The following HGSNAT variants were observed in gnomAD, a reference collection of about 807,000 sequenced individuals.
HGSNAT encodes heparan-alpha-glucosaminide N-acetyltransferase.
HGSNAT carries 59 observed loss-of-function variants against 85.2 expected under a neutral mutation model. The ratio of observed to expected loss-of-function variants is 0.69; its 90% CI spans 0.56 to 0.86. The LOEUF is 0.86. HGSNAT is among the 40% of genes least tolerant of loss of function. The pLI is 0.00. For synonymous variants in HGSNAT, 321 were observed against 304.5 expected, an observed-to-expected ratio of 1.05 and a Z score of -0.56; for missense variants, 756 against 777.1, an observed-to-expected ratio of 0.97 and a Z score of 0.32.
intron 14 of HGSNAT, among the ~76,000 whole-genome samples, chr8:43,194,758 C>T (rs531770442): frequency 2.0e-5 from 3 of 152,312 alleles, no homozygotes; most frequent in Non-Finnish European, 4.4e-5. Flanking sequence ...GGAGCCCTCA[C>T]GCTGCATCCC....
intron 9 of HGSNAT, 74 bp downstream of exon 9, chr8:43,173,817 C>A: frequency 1.3e-6 from 2 of 1,485,944 alleles, no homozygotes; most frequent in Non-Finnish European, 1.9e-6. Flanking sequence ...ATGCTGGAGC[C>A]TCTCTTCTGA....
chr8:43,182,119 CT>C (rs1244998662), intron 10 of HGSNAT, 25 bp from the exon 11 acceptor site: 1 of 1,568,962 alleles, frequency 6.4e-7, no homozygotes, highest in Non-Finnish European at 8.8e-7. Flanking sequence ...CTGGCTAACA[CT>C]TGACCTAACT....
rs991867163 is a variant in HGSNAT at position 43,182,273 on chromosome 8, G to A, written c.1128+13G>A. The A allele has an allele frequency of 4.7e-5, 75 of 1,595,820 alleles. No individual in the cohort carries two copies. The highest frequency in any genetic ancestry group is 6.4e-5 in the Non-Finnish European group (74 of 1,163,538). ...ACATTGTGCCTCGGTGAGAAACCAT[G>A]TTTTAATTAAGAAAAACTTTTTTTA... is the stretch of plus-strand genomic sequence containing the variant. On this transcript the variant is annotated intron_variant, in intron 11 of 17. Transcript: ENST00000379644.
At chr8:43,145,351 AC>A (rs1293031947) in intron 1 of HGSNAT, among the ~76,000 whole-genome samples, 1 of 152,076 alleles carries the variant, frequency 6.6e-6, no homozygotes, top group Non-Finnish European at 1.5e-5. Context: ...CTCAATCTCT[AC>A]CCCTTCATCA....
chr8:43,149,465 G>A (rs992710512), intron 2 of HGSNAT, among the ~76,000 whole-genome samples: 4 of 152,088 alleles, frequency 2.6e-5, no homozygotes, highest in Non-Finnish European at 5.9e-5. Flanking sequence ...TTGGGAGGCC[G>A]AGGCGGGCGG....
intron 5 of HGSNAT, among the ~76,000 whole-genome samples, chr8:43,163,751 C>T (rs982292523): frequency 2.0e-5 from 3 of 152,022 alleles, no homozygotes; most frequent in African/African-American, 4.8e-5. Flanking sequence ...CTCCTGACCT[C>T]GTGATCCACC....
intron 8 of HGSNAT, 151 bp from the exon 9 acceptor site, chr8:43,173,562 G>A (rs141503784): frequency 3.7e-5 from 29 of 786,966 alleles, no homozygotes; most frequent in African/African-American, 8.6e-5. Flanking sequence ...TGCTCGCCTC[G>A]GCCCCCACAA....
chr8:43,183,620 G>C (rs534430987), intron 11 of HGSNAT, among the ~76,000 whole-genome samples: 1 of 152,166 alleles, frequency 6.6e-6, no homozygotes, highest in South Asian at 2.1e-4. Context: ...ACAGGCGCCC[G>C]CCACCACTCC....
intron 11 of HGSNAT, 39 bp from the exon 12 acceptor site, chr8:43,191,435 T>C: frequency 6.2e-7 from 1 of 1,600,196 alleles, no homozygotes; most frequent in Non-Finnish European, 8.6e-7. Flanking sequence ...TCTATTTGCA[T>C]TTAGTTCACC....
intron 1 of HGSNAT, among the ~76,000 whole-genome samples, chr8:43,143,854 G>A (rs1305318044): frequency 2.0e-5 from 3 of 151,986 alleles, no homozygotes; most frequent in East Asian, 3.9e-4. Context: ...CCCACCAGGA[G>A]CTATTTCATA....
At chr8:43,140,884 CA>C (rs1654048059) in intron 1 of HGSNAT, among the ~76,000 whole-genome samples, 1 of 152,186 alleles carries the variant, frequency 6.6e-6, no homozygotes, top group African/African-American at 2.4e-5. Flanking sequence ...GCGCCCACCC[CA>C]GCGGAGCCTG....
intron 11 of HGSNAT, among the ~76,000 whole-genome samples, chr8:43,188,289 A>T (rs1251808084): frequency 4.6e-5 from 7 of 152,184 alleles, no homozygotes; most frequent in Non-Finnish European, 2.9e-5. Context: ...CCAATCAGAC[A>T]CAGATTTGAT....
At chr8:43,175,832 G>T (rs942372359) in intron 9 of HGSNAT, among the ~76,000 whole-genome samples, 2 of 151,862 alleles carry the variant, frequency 1.3e-5, no homozygotes, top group Admixed American at 6.6e-5. Flanking sequence ...CTCCCAAAGT[G>T]CTAGGATTAC....
At chr8:43,143,950 A>G (rs1333461636) in intron 1 of HGSNAT, among the ~76,000 whole-genome samples, 4 of 152,104 alleles carry the variant, frequency 2.6e-5, no homozygotes, top group Admixed American at 6.5e-5. Flanking sequence ...GTCATTAGAA[A>G]TCAGCACAAC....
At chr8:43,185,575 A>G (rs1804278427) in intron 11 of HGSNAT, among the ~76,000 whole-genome samples, 1 of 152,244 alleles carries the variant, frequency 6.6e-6, no homozygotes, top group African/African-American at 2.4e-5. Context: ...CAATCATGTC[A>G]TCTGCAAACA....
intron 11 of HGSNAT, among the ~76,000 whole-genome samples, chr8:43,184,904 C>T (rs1441621739): frequency 6.6e-6 from 1 of 152,272 alleles, no homozygotes; most frequent in Non-Finnish European, 1.5e-5. Context: ...ATCCTTTCCC[C>T]ATTTCTTGTT....
intron 6 of HGSNAT, among the ~76,000 whole-genome samples, chr8:43,170,160 C>A (rs891743950): frequency 6.6e-6 from 1 of 152,144 alleles, no homozygotes; most frequent in African/African-American, 2.4e-5. Context: ...TTTTAGATTT[C>A]TACTATATCA....
rs1447092074 is a variant in HGSNAT, at chr8:43,178,073, G to A, written c.852-1G>A. ...CCTATTAATAACTAGATTCTTTTTAGGTTTGTATTTATTATGGGATCTTCC... is the reference window on the plus strand; with the variant it reads ...CCTATTAATAACTAGATTCTTTTTAAGTTTGTATTTATTATGGGATCTTCC... On this transcript the variant is annotated splice_acceptor_variant, in intron 9 of 17. Transcript: ENST00000379644. LOFTEE classifies it high-confidence loss of function. The A allele has an allele frequency of 6.2e-7, 1 of 1,612,726 alleles. No individual in the cohort carries two copies. Among genetic ancestry groups the A allele is most frequent in the Non-Finnish European group, 8.5e-7 (1 of 1,179,088 alleles).
chr8:43,197,246 C>G, intron 15 of HGSNAT: 1 of 581,264 alleles, frequency 1.7e-6, no homozygotes, highest in East Asian at 2.9e-5. Flanking sequence ...TGTTTGCCAT[C>G]AGATAGCCAG....
Sources: allele counts gnomAD v4.1 joint callset (sites outside exome capture counted in the v4.1 genomes callset), GRCh38; gene constraint gnomAD v4.1.1; transcripts MANE v1.5; gene names NCBI Gene and HGNC (gene_info 2026-07-23, HGNC 2026-07-21).